Variants in MAGI2 observed in about 807,000 individuals in gnomAD.
MAGI2 encodes membrane-associated guanylate kinase, WW and PDZ domain-containing protein 2.
A neutral mutation model predicts 133.3 loss-of-function variants in MAGI2; 35 were observed. That is an observed-to-expected ratio of 0.26 (90% CI 0.20 to 0.35). MAGI2 has a LOEUF of 0.35. Among genes scored for constraint, MAGI2 ranks in the 10% least tolerant of loss-of-function variants. MAGI2 has a pLI of 1.00. For missense variants in MAGI2, 1,636 were observed against 1,863.4 expected, an observed-to-expected ratio of 0.88 and a Z score of 2.25; for synonymous variants, 729 against 710.6, an observed-to-expected ratio of 1.03 and a Z score of -0.41.
At chr7:79,424,575 A>G (rs1040606897) in intron 1 of MAGI2, among the ~76,000 whole-genome samples, 3 of 152,228 alleles carry the variant, frequency 2.0e-5, no homozygotes, top group African/African-American at 7.2e-5. Flanking sequence ...CCACAAAAAA[A>G]TGATATCTAT....
intron 2 of MAGI2, among the ~76,000 whole-genome samples, chr7:78,684,940 T>A (rs1816114596): frequency 6.6e-6 from 1 of 152,206 alleles, no homozygotes; most frequent in Non-Finnish European, 1.5e-5. Context: ...ATATTGTATT[T>A]TTAACATACA....
intron 1 of MAGI2, among the ~76,000 whole-genome samples, chr7:79,179,095 A>T (rs1240137384): frequency 6.6e-6 from 1 of 152,008 alleles, no homozygotes; most frequent in Non-Finnish European, 1.5e-5. Flanking sequence ...TAGTCATCTG[A>T]TGCATAGTAA....
chr7:78,255,422 T>G, intron 10 of MAGI2: 1 of 197,110 alleles, frequency 5.1e-6, no homozygotes, highest in Non-Finnish European at 1.0e-5. Flanking sequence ...TGTGAAAAGA[T>G]TTTTCTACAG....
chr7:79,086,134 C>T (rs538300963), intron 1 of MAGI2, among the ~76,000 whole-genome samples: 1 of 151,874 alleles, frequency 6.6e-6, no homozygotes, highest in African/African-American at 2.4e-5. Flanking sequence ...TTTGGTGATG[C>T]CCCCTCAGGC....
chr7:78,800,132 A>G (rs759067382), intron 2 of MAGI2, among the ~76,000 whole-genome samples: 2 of 152,164 alleles, frequency 1.3e-5, no homozygotes. Flanking sequence ...ACGGACCAGA[A>G]GCTTTAATAT....
chr7:78,054,334 C>A (rs536925172), intron 21 of MAGI2, among the ~76,000 whole-genome samples: 10 of 152,198 alleles, frequency 6.6e-5, no homozygotes, highest in African/African-American at 2.4e-4. Flanking sequence ...CCATGTTGGT[C>A]AGGCTGGTCT....
chr7:79,027,783 T>A (rs9692405), intron 1 of MAGI2, among the ~76,000 whole-genome samples: 1 of 151,848 alleles, frequency 6.6e-6, no homozygotes, highest in Non-Finnish European at 1.5e-5. Flanking sequence ...TTGTAATCTA[T>A]AAATGTATAG....
chr7:78,367,402 A>G (rs1793490394), intron 7 of MAGI2, among the ~76,000 whole-genome samples: 1 of 152,206 alleles, frequency 6.6e-6, no homozygotes, highest in African/African-American at 2.4e-5. Context: ...CAACCGGAAG[A>G]ATTAAAATAG....
intron 1 of MAGI2, among the ~76,000 whole-genome samples, chr7:79,422,103 A>G (rs1406109531): frequency 6.6e-6 from 1 of 152,058 alleles, no homozygotes; most frequent in Non-Finnish European, 1.5e-5. Context: ...ACTAAAGAAA[A>G]TGACTTTGGT....
At chr7:78,737,869 T>G (rs1822020210) in intron 2 of MAGI2, among the ~76,000 whole-genome samples, 1 of 152,070 alleles carries the variant, frequency 6.6e-6, no homozygotes, top group Non-Finnish European at 1.5e-5. Context: ...CCTCATAATT[T>G]TTAATAGTGC....
intron 6 of MAGI2, among the ~76,000 whole-genome samples, chr7:78,431,735 T>C (rs1238467928): frequency 6.6e-6 from 1 of 152,092 alleles, no homozygotes; most frequent in East Asian, 1.9e-4. Flanking sequence ...AAGTATGTTC[T>C]CATAGCTTAA....
At chr7:79,275,920 G>GA (rs1835198466) in intron 1 of MAGI2, among the ~76,000 whole-genome samples, 1 of 152,174 alleles carries the variant, frequency 6.6e-6, no homozygotes, top group East Asian at 1.9e-4. Context: ...CTACTGCTCA[G>GA]AAAAAAAGAT....
At chr7:79,168,923 T>TATATATATAG (rs1562958658) in intron 1 of MAGI2, among the ~76,000 whole-genome samples, 3 of 79,484 alleles carry the variant, frequency 3.8e-5, no homozygotes, top group African/African-American at 1.2e-4. Flanking sequence ...TATATATATA[T>TATATATATAG]ATATATATAT....
intron 2 of MAGI2, among the ~76,000 whole-genome samples, chr7:78,713,112 A>G (rs1288751580): frequency 6.6e-6 from 1 of 152,156 alleles, no homozygotes; most frequent in Non-Finnish European, 1.5e-5. Flanking sequence ...TATGTTTGAA[A>G]GCCTGTGATT....
intron 1 of MAGI2, among the ~76,000 whole-genome samples, chr7:79,194,799 AAAAAAATGCCGCACACT>A (rs1269799792): frequency 4.0e-5 from 6 of 151,850 alleles, no homozygotes; most frequent in Non-Finnish European, 1.5e-5. Flanking sequence ...AGAAAAGAAA[AAAAAAATGCCGCACACT>A]CTAGATAGCT....
At chr7:78,455,949 G>T (rs2151494703) in intron 6 of MAGI2, among the ~76,000 whole-genome samples, 1 of 150,774 alleles carries the variant, frequency 6.6e-6, no homozygotes, top group East Asian at 2.0e-4. Flanking sequence ...CTGGGTCTGG[G>T]CATTTGAACT....
rs550845022 is a variant in MAGI2 at position 78,596,056 on chromosome 7, C to T, written c.538+31064G>A. Among the ~76,000 whole-genome samples the T allele has an allele frequency of 5.9e-5, 9 of 151,554 alleles. 1 individual carries two copies. The highest frequency in any genetic ancestry group is 5.9e-5 in the Non-Finnish European group (4 of 67,930). ...ATAAGAACAGAATCTTTGTCTTGTT[C>T]ACTGTTGTATCCTCAGTTTGTAGAT... is the stretch of plus-strand genomic sequence containing the variant. On this transcript the variant is annotated intron_variant, in intron 3 of 21. Coordinates refer to ENST00000354212, the MANE Select transcript of MAGI2 (RefSeq NM_012301.4).
intron 2 of MAGI2, among the ~76,000 whole-genome samples, chr7:78,876,891 T>TATTTATTTATTCAATC (rs60897005): frequency 0.61 from 92,806 of 151,712 alleles, 29,668 homozygotes; most frequent in Middle Eastern, 0.75. Flanking sequence ...CTTCCTCATT[T>TATTTATTTATTCAATC]ATTTATTTAT....
At chr7:78,263,708 C>A (rs1364005465) in intron 9 of MAGI2, among the ~76,000 whole-genome samples, 2 of 152,156 alleles carry the variant, frequency 1.3e-5, no homozygotes, top group Non-Finnish European at 2.9e-5. Context: ...ACCTGCTTCC[C>A]TGTCAGCTCA....
Sources: allele counts gnomAD v4.1 joint callset (sites outside exome capture counted in the v4.1 genomes callset), GRCh38; gene constraint gnomAD v4.1.1; transcripts MANE v1.5; gene names NCBI Gene and HGNC (gene_info 2026-07-23, HGNC 2026-07-21).